The following ARID1B variants were observed in gnomAD, a reference collection of about 807,000 sequenced individuals.
The protein encoded by ARID1B is AT-rich interaction domain 1B.
Under a neutral mutation model 212.3 loss-of-function variants are expected in ARID1B, and 30 were observed. The ratio of observed to expected loss-of-function variants is 0.14; its 90% CI spans 0.11 to 0.19. The LOEUF (loss-of-function observed/expected upper bound fraction) is 0.19, where lower values mean the gene tolerates loss of function less well. Ranked by LOEUF, ARID1B falls within the 10% of genes least tolerant of loss-of-function variation. ARID1B has a pLI of 1.00. For synonymous variants in ARID1B, 1,402 were observed against 1,301.7 expected (o/e 1.08, Z -1.66); for missense variants, 2,891 against 3,204.0 (o/e 0.90, Z 2.36).
At chr6:156,900,230 G>A (rs1788808071) in intron 2 of ARID1B, among the ~76,000 whole-genome samples, 1 of 152,206 alleles carries the variant, frequency 6.6e-6, no homozygotes, top group Non-Finnish European at 1.5e-5. Context: ...GGTAGATCTT[G>A]AAAATAATCT....
intron 4 of ARID1B, among the ~76,000 whole-genome samples, chr6:157,049,549 AC>A (rs1782455288): frequency 6.6e-6 from 1 of 152,230 alleles, no homozygotes; most frequent in Non-Finnish European, 1.5e-5. Flanking sequence ...GAAGCCATGT[AC>A]ATTTTTATAA....
chr6:157,134,795 G>C (rs1788803118), intron 7 of ARID1B, among the ~76,000 whole-genome samples: 1 of 152,192 alleles, frequency 6.6e-6, no homozygotes, highest in African/African-American at 2.4e-5. Context: ...ACTTGTGGTA[G>C]GCACAGAAAA....
chr6:156,935,401 T>A, intron 3 of ARID1B, 65 bp from the exon 4 acceptor site: 1 of 1,365,736 alleles, frequency 7.3e-7, no homozygotes, highest in Admixed American at 1.9e-5. Flanking sequence ...TAATTTTAGT[T>A]ACTGAAGAAG....
At chr6:156,876,828 G>A (rs533544140) in intron 2 of ARID1B, among the ~76,000 whole-genome samples, 1 of 152,174 alleles carries the variant, frequency 6.6e-6, no homozygotes, top group Admixed American at 6.5e-5. Context: ...ACAGACCCCT[G>A]AGTGTTCACA....
intron 3 of ARID1B, among the ~76,000 whole-genome samples, chr6:156,927,870 T>A (rs1428179558): frequency 1.2e-4 from 19 of 152,212 alleles, no homozygotes; most frequent in Admixed American, 5.2e-4. Context: ...ATCCCCGTCT[T>A]AGAAAAATGG....
At chr6:156,858,986 T>C (rs1785137271) in intron 2 of ARID1B, among the ~76,000 whole-genome samples, 1 of 152,194 alleles carries the variant, frequency 6.6e-6, no homozygotes, top group Non-Finnish European at 1.5e-5. Context: ...TACTGTACAC[T>C]ACTGTAGACA....
intron 8 of ARID1B, among the ~76,000 whole-genome samples, chr6:157,154,161 G>T (rs1790391521): frequency 6.6e-6 from 1 of 152,190 alleles, no homozygotes; most frequent in Admixed American, 6.5e-5. Context: ...TTGGAAATGA[G>T]CTCTAGGAGG....
intron 5 of ARID1B, among the ~76,000 whole-genome samples, chr6:157,091,261 G>A (rs544063145): frequency 5.1e-4 from 77 of 152,164 alleles, no homozygotes; most frequent in African/African-American, 1.8e-3. Context: ...GAAAATCTCA[G>A]ACAAAAAGCA....
chr6:157,096,771 C>CGAGA (rs1785665272), intron 5 of ARID1B, among the ~76,000 whole-genome samples: 1 of 152,214 alleles, frequency 6.6e-6, no homozygotes, highest in Non-Finnish European at 1.5e-5. Context: ...GTCTGCTCTC[C>CGAGA]CCCCAGCAAC....
At chr6:157,039,974 G>A (rs140048637) in intron 4 of ARID1B, among the ~76,000 whole-genome samples, 10 of 137,628 alleles carry the variant, frequency 7.3e-5, no homozygotes, top group South Asian at 2.3e-4. Context: ...TTTCCAAGAC[G>A]GAGTCTCGCT....
At chr6:157,019,420 A>G (rs960844172) in intron 4 of ARID1B, among the ~76,000 whole-genome samples, 1 of 152,224 alleles carries the variant, frequency 6.6e-6, no homozygotes, top group African/African-American at 2.4e-5. Context: ...ATATACATGA[A>G]GAAGCTGAGG....
chr6:157,160,633 T>C (rs1445342359), intron 8 of ARID1B, among the ~76,000 whole-genome samples: 1 of 152,194 alleles, frequency 6.6e-6, no homozygotes, highest in African/African-American at 2.4e-5. Context: ...CCATTGCTCC[T>C]GCTTAAAAAC....
chr6:157,187,518 A>G (rs570745355), intron 13 of ARID1B, among the ~76,000 whole-genome samples: 111 of 152,220 alleles, frequency 7.3e-4, no homozygotes, highest in African/African-American at 2.5e-3. Context: ...ACTTCGCTCA[A>G]CCCCGCCAGA....
Position 157,207,154 on chromosome 6 carries a change from G to A in ARID1B, c.6382G>A (p.Val2128Met), listed in dbSNP as rs1794533430. The change falls in exon 20 of 20, where the codon GTG becomes ATG. Residue 2128 changes from valine to methionine, a missense_variant. By Grantham distance (21) the Val-to-Met change is conservative. Transcript: ENST00000636930. This position sits in a 1 kb window ranked among gnomAD's most constrained non-coding sequence, Gnocchi z 8.5. Reference protein sequence around the residue: ...YEKEEDEDKGVACSKDEWWWD... With the variant: ...YEKEEDEDKGMACSKDEWWWD... The stretch of plus-strand genomic sequence containing the variant: ...GAAAGAGGAGGATGAGGACAAGGGG[G>A]TGGCCTGCAGCAAAGATGAGTGGTG... 17 of 1,614,236 alleles carry A rather than the reference G, an allele frequency of 1.1e-5. No individual in the cohort carries two copies. The highest frequency in any genetic ancestry group is 1.3e-5 in the Non-Finnish European group (15 of 1,180,046).
chr6:156,808,560 C>G (rs1246092456), intron 1 of ARID1B, among the ~76,000 whole-genome samples: 1 of 152,172 alleles, frequency 6.6e-6, no homozygotes, highest in African/African-American at 2.4e-5. Flanking sequence ...GATTTCCTTG[C>G]AATCATACTT....
At chr6:157,004,992 A>G (rs1779157912) in intron 4 of ARID1B, among the ~76,000 whole-genome samples, 1 of 131,162 alleles carries the variant, frequency 7.6e-6, no homozygotes, top group Admixed American at 9.5e-5. Context: ...GACTCACTGC[A>G]ACCTCCACCT....
chr6:157,200,260 T>G lies in ARID1B; in HGVS notation c.4480-445T>G, dbSNP rs201653347. On this transcript the variant is annotated intron_variant, in intron 17 of 19. Coordinates refer to ENST00000636930, the MANE Select transcript of ARID1B (RefSeq NM_001374828.1). The surrounding 1 kb of genome is among the most constrained non-coding windows in gnomAD (Gnocchi z 4.3). ...GGGGAGCCGAGTCCTGTTCGGGGGC[T>G]TTTCTGTAAAATGAGGCCCAAGAAA... Among the ~76,000 whole-genome samples the G allele has an allele frequency of 3.5e-4, 54 of 152,182 alleles. 1 individual carries two copies. In the East Asian group the frequency reaches 7.4e-3, roughly 21 times the overall value.
At chr6:156,834,502 T>A (rs1285112869) in intron 2 of ARID1B, among the ~76,000 whole-genome samples, 1 of 152,226 alleles carries the variant, frequency 6.6e-6, no homozygotes, top group Non-Finnish European at 1.5e-5. Flanking sequence ...GACAATGGCA[T>A]TCTTGTGTAA....
chr6:157,172,103 C>G (rs1459920789), intron 9 of ARID1B, among the ~76,000 whole-genome samples: 1 of 152,192 alleles, frequency 6.6e-6, no homozygotes, highest in Non-Finnish European at 1.5e-5. Flanking sequence ...CATGTGGACT[C>G]GCATACATAA....
Sources: allele counts gnomAD v4.1 joint callset (sites outside exome capture counted in the v4.1 genomes callset), GRCh38; gene constraint gnomAD v4.1.1; non-coding constraint Gnocchi (gnomAD v3.1); transcripts MANE v1.5; gene names NCBI Gene and HGNC (gene_info 2026-07-23, HGNC 2026-07-21).